Variants in CFAP299 observed in about 807,000 individuals in gnomAD.
CFAP299 encodes cilia and flagella associated protein 299.
Under a neutral mutation model 27.0 loss-of-function variants are expected in CFAP299, and 21 were observed. The observed-to-expected ratio is 0.78, with a 90% CI of 0.55 to 1.12. CFAP299 has a LOEUF of 1.12. Ranked by LOEUF, CFAP299 falls within the 50% of genes most tolerant of loss-of-function variation. The probability of loss-of-function intolerance (pLI) is 0.00; values close to 1 mark genes in which losing one functional copy is unlikely to be tolerated. For synonymous variants in CFAP299, 104 were observed against 98.1 expected (o/e 1.06, Z -0.36); for missense variants, 310 against 276.6 (o/e 1.12, Z -0.86).
chr4:80,654,249 TCA>T (rs1301132476), intron 3 of CFAP299, among the ~76,000 whole-genome samples: 1 of 152,164 alleles, frequency 6.6e-6, no homozygotes, highest in Non-Finnish European at 1.5e-5. Context: ...TAAAGTGCAT[TCA>T]GTTATTTTTT....
At chr4:80,723,517 C>A (rs1011454907) in intron 3 of CFAP299, among the ~76,000 whole-genome samples, 1 of 151,534 alleles carries the variant, frequency 6.6e-6, no homozygotes, top group Non-Finnish European at 1.5e-5. Flanking sequence ...CTAAAAAAAA[C>A]GCAAACTAAT....
Position 80,685,801 on chromosome 4 carries a change from C to T in CFAP299, c.333+102618C>T, listed in dbSNP as rs562306118. ...TTTTTTTTCCTGTTCCTTCTCTTCA[C>T]ACACCCTGACTTTTTGAAGGTCCCC... is the stretch of plus-strand genomic sequence containing the variant. On this transcript the variant is annotated intron_variant, in intron 3 of 5. Coordinates refer to ENST00000358105, the MANE Select transcript of CFAP299 (RefSeq NM_152770.3). Among the ~76,000 whole-genome samples, 7 of 152,210 alleles carry T rather than the reference C, an allele frequency of 4.6e-5. No homozygotes were observed. In the South Asian group the frequency reaches 1.5e-3, roughly 32 times the overall value.
chr4:80,588,471 T>C (rs1478539257), intron 3 of CFAP299, among the ~76,000 whole-genome samples: 1 of 151,038 alleles, frequency 6.6e-6, no homozygotes, highest in Admixed American at 6.6e-5. Context: ...AGGTATTTAA[T>C]CAATCATTTT....
At chr4:80,801,356 T>A (rs905407326) in intron 3 of CFAP299, among the ~76,000 whole-genome samples, 1 of 151,996 alleles carries the variant, frequency 6.6e-6, no homozygotes, top group African/African-American at 2.4e-5. Flanking sequence ...AATATAATGA[T>A]GTATTAATTT....
chr4:80,905,919 C>T (rs1735160665), intron 4 of CFAP299, among the ~76,000 whole-genome samples: 1 of 152,134 alleles, frequency 6.6e-6, no homozygotes, highest in Non-Finnish European at 1.5e-5. Flanking sequence ...TTGGCCCCTT[C>T]CAAATCTCAT....
At chr4:80,927,770 C>T (rs185462195) in intron 4 of CFAP299, among the ~76,000 whole-genome samples, 13 of 152,198 alleles carry the variant, frequency 8.5e-5, no homozygotes, top group Admixed American at 3.9e-4. Context: ...CCTTCCTCTG[C>T]GGCTTTTAAG....
chr4:80,455,702 C>T (rs1729113123), intron 2 of CFAP299, among the ~76,000 whole-genome samples: 1 of 152,134 alleles, frequency 6.6e-6, no homozygotes, highest in African/African-American at 2.4e-5. Flanking sequence ...CATGTATCTT[C>T]TTAAAATACC....
At chr4:80,899,961 T>A (rs1734803568) in intron 4 of CFAP299, among the ~76,000 whole-genome samples, 1 of 152,046 alleles carries the variant, frequency 6.6e-6, no homozygotes, top group African/African-American at 2.4e-5. Context: ...GGTAAAACAT[T>A]GGTGACTTTA....
intron 1 of CFAP299, among the ~76,000 whole-genome samples, chr4:80,339,755 A>C (rs570744749): frequency 6.6e-6 from 1 of 152,324 alleles, no homozygotes; most frequent in African/African-American, 2.4e-5. Flanking sequence ...GTTTTGGCAA[A>C]ATTATTACAA....
intron 3 of CFAP299, among the ~76,000 whole-genome samples, chr4:80,860,931 C>G (rs1732299043): frequency 6.6e-6 from 1 of 152,204 alleles, no homozygotes; most frequent in South Asian, 2.1e-4. Context: ...AACCACTGCT[C>G]TCTTCAAATC....
At chr4:80,784,065 AG>A (rs1727095245) in intron 3 of CFAP299, among the ~76,000 whole-genome samples, 2 of 152,168 alleles carry the variant, frequency 1.3e-5, no homozygotes, top group Admixed American at 1.3e-4. Flanking sequence ...GGCAAATGGC[AG>A]GATCTCTTTT....
chr4:80,644,893 T>A (rs1311793256), intron 3 of CFAP299, among the ~76,000 whole-genome samples: 1 of 152,246 alleles, frequency 6.6e-6, no homozygotes, highest in Admixed American at 6.5e-5. Flanking sequence ...AAAAAGAATA[T>A]TAGATGCAGG....
Position 80,764,704 on chromosome 4 carries a change from T to A in CFAP299, c.334-105289T>A, listed in dbSNP as rs144546427. ...GACTTGGAACCAACCCAAATGCCCA[T>A]CAATGATAAACTGGATAAAGAAAAT... On this transcript the variant is annotated intron_variant, in intron 3 of 5. Transcript: ENST00000358105. 2.4e-3 allele frequency among the ~76,000 whole-genome samples: 363 copies of A among 152,206 alleles called. 4 individuals carry two copies. The highest frequency in any genetic ancestry group is 8.1e-3 in the African/African-American group (337 of 41,512).
At chr4:80,442,173 A>C (rs1304804459) in intron 2 of CFAP299, among the ~76,000 whole-genome samples, 1 of 152,224 alleles carries the variant, frequency 6.6e-6, no homozygotes, top group Non-Finnish European at 1.5e-5. Flanking sequence ...TAACAAGGAT[A>C]TTCAGGACTT....
intron 3 of CFAP299, among the ~76,000 whole-genome samples, chr4:80,661,941 C>A (rs1230180420): frequency 6.6e-6 from 1 of 152,256 alleles, no homozygotes; most frequent in South Asian, 2.1e-4. Flanking sequence ...AAATAAGCCC[C>A]AGTCTCCCAT....
At chr4:80,878,729 G>A (rs547420237) in intron 4 of CFAP299, among the ~76,000 whole-genome samples, 1 of 152,174 alleles carries the variant, frequency 6.6e-6, no homozygotes, top group African/African-American at 2.4e-5. Context: ...AGAAAGGATA[G>A]TACTTGTGAA....
At chr4:80,786,649 T>C (rs1479048518) in intron 3 of CFAP299, among the ~76,000 whole-genome samples, 1 of 152,168 alleles carries the variant, frequency 6.6e-6, no homozygotes, top group African/African-American at 2.4e-5. Flanking sequence ...CTTGCAAATA[T>C]ATGATACATT....
chr4:80,533,613 C>G (rs942399852), intron 2 of CFAP299, among the ~76,000 whole-genome samples: 23 of 152,124 alleles, frequency 1.5e-4, no homozygotes, highest in Admixed American at 3.9e-4. Context: ...CACTAAATAT[C>G]TAAGATCCAG....
rs1353756887 is a variant in CFAP299 at position 80,874,764 on chromosome 4, T to C, written c.476+4629T>C. 1.3e-5 allele frequency among the ~76,000 whole-genome samples: 2 copies of C among 152,132 alleles called. 1 individual carries two copies. The highest frequency in any genetic ancestry group is 4.1e-4 in the South Asian group (2 of 4,826). ...AGGGGACACATTCAAACCATAGCAATATTAAATTTTGAGAAGCATGCCCTA... is the reference window on the plus strand; with the variant it reads ...AGGGGACACATTCAAACCATAGCAACATTAAATTTTGAGAAGCATGCCCTA... On this transcript the variant is annotated intron_variant, in intron 4 of 5. Transcript: ENST00000358105.
Sources: gnomAD v4.1 joint callset for allele counts (sites outside exome capture counted in the v4.1 genomes callset) on GRCh38, gnomAD v4.1.1 for gene constraint, MANE v1.5 for transcripts, NCBI Gene and HGNC (gene_info 2026-07-23, HGNC 2026-07-21) for gene names.